Variants in RGSL1 observed in about 807,000 individuals in gnomAD.
RGSL1 encodes the protein regulator of G protein signaling like 1.
In RGSL1, 97 loss-of-function variants were observed where a neutral mutation model predicts 124.7. That is an observed-to-expected ratio of 0.78 (90% confidence interval 0.66 to 0.92). The LOEUF is 0.92. Ranked by LOEUF, RGSL1 falls within the 40% of genes least tolerant of loss-of-function variation. RGSL1 has a pLI of 0.00. For missense variants in RGSL1, 1,233 were observed against 1,288.4 expected (o/e 0.96, Z 0.66); for synonymous variants, 424 against 438.1 (o/e 0.97, Z 0.40).
At chr1:182,501,873 G>C (rs1656411979) in intron 9 of RGSL1, among the ~76,000 whole-genome samples, 1 of 152,126 alleles carries the variant, frequency 6.6e-6, no homozygotes, top group Admixed American at 6.5e-5. Flanking sequence ...GAAGTCATCA[G>C]GTCCTGAGCT....
At chr1:182,526,934 G>C (rs756652269) in intron 10 of RGSL1, among the ~76,000 whole-genome samples, 2 of 152,080 alleles carry the variant, frequency 1.3e-5, no homozygotes, top group Non-Finnish European at 2.9e-5. Flanking sequence ...TCAAGATGTG[G>C]GTATTTGTAA....
intron 15 of RGSL1, among the ~76,000 whole-genome samples, chr1:182,544,302 A>G (rs1431473031): frequency 6.6e-6 from 1 of 151,994 alleles, no homozygotes; most frequent in East Asian, 1.9e-4. Context: ...ATACTGTAGG[A>G]AACAGTTTCC....
At chr1:182,520,888 A>G (rs921813684) in intron 9 of RGSL1, among the ~76,000 whole-genome samples, 1 of 152,180 alleles carries the variant, frequency 6.6e-6, no homozygotes, top group Non-Finnish European at 1.5e-5. Flanking sequence ...AACCATTTTA[A>G]AACAATGACT....
chr1:182,474,101 G>A lies in RGSL1; in HGVS notation c.990G>A (p.Met330Ile). The A allele has an allele frequency of 6.4e-7, 1 of 1,551,850 alleles. No individual in the cohort carries two copies. Among genetic ancestry groups the A allele is most frequent in the Non-Finnish European group, 8.7e-7 (1 of 1,147,016 alleles). ...MENKAKSHLH[M>I]EAPFETKVST... Reference sequence around the variant, plus strand: ...ATAAAGCCAAGAGCCACCTCCACATGGAAGCCCCCTTTGAGACAAAGGTCT... The same window carrying A: ...ATAAAGCCAAGAGCCACCTCCACATAGAAGCCCCCTTTGAGACAAAGGTCT... The change falls in exon 6 of 22, where the codon ATG becomes ATA. Residue 330 changes from methionine to isoleucine, a missense_variant. Coordinates refer to ENST00000294854, the MANE Select transcript of RGSL1 (RefSeq NM_001137669.2).
At chr1:182,511,187 T>A (rs1302997593) in intron 9 of RGSL1, among the ~76,000 whole-genome samples, 1 of 152,152 alleles carries the variant, frequency 6.6e-6, no homozygotes, top group African/African-American at 2.4e-5. Flanking sequence ...TTTTTTGAGA[T>A]AGAGATTTGC....
chr1:182,471,822 C>A (rs1018191286), intron 4 of RGSL1, among the ~76,000 whole-genome samples: 1 of 152,128 alleles, frequency 6.6e-6, no homozygotes, highest in East Asian at 1.9e-4. Flanking sequence ...GGTAGCTGGC[C>A]CTGGCTGACA....
chr1:182,522,877 A>G (rs1264259399), intron 10 of RGSL1, among the ~76,000 whole-genome samples: 1 of 152,102 alleles, frequency 6.6e-6, no homozygotes, highest in Non-Finnish European at 1.5e-5. Flanking sequence ...ATTCATTTTT[A>G]TTCAGTTACT....
intron 10 of RGSL1, among the ~76,000 whole-genome samples, chr1:182,525,116 G>T (rs774295494): frequency 1.3e-5 from 2 of 152,082 alleles, no homozygotes; most frequent in African/African-American, 2.4e-5. Context: ...AACATAAAAA[G>T]CAAACAAAAC....
chr1:182,535,807 T>C (rs531260103), intron 14 of RGSL1, among the ~76,000 whole-genome samples: 1 of 152,286 alleles, frequency 6.6e-6, no homozygotes, highest in East Asian at 1.9e-4. Flanking sequence ...TAAGCTACAA[T>C]TTTATACAGT....
intron 15 of RGSL1, among the ~76,000 whole-genome samples, chr1:182,540,789 C>G (rs1201951059): frequency 6.6e-6 from 1 of 152,116 alleles, no homozygotes; most frequent in Admixed American, 6.6e-5. Context: ...GTGTGTGTGT[C>G]TGTATGACAT....
At chr1:182,452,799 G>A (rs1237894069) in intron 1 of RGSL1, among the ~76,000 whole-genome samples, 1 of 152,058 alleles carries the variant, frequency 6.6e-6, no homozygotes, top group Non-Finnish European at 1.5e-5. Flanking sequence ...ACAACCACCA[G>A]TGTCATCAGG....
In RGSL1 at chr1:182,493,093, G is replaced by A; in HGVS notation, c.1789G>A (p.Asp597Asn). The change falls in exon 9 of 22, where the codon GAC becomes AAC. Residue 597 changes from aspartate to asparagine, a missense_variant. Asp to Asn is a conservative substitution (Grantham distance 23, BLOSUM62 1). Coordinates refer to ENST00000294854, the MANE Select transcript of RGSL1 (RefSeq NM_001137669.2). The stretch of plus-strand genomic sequence containing the variant: ...GATGGCCATACAGAAGATCAGTGAT[G>A]ACTACAAAATATACTGTGAGAAAGC... ...PKMAIQKISD[D>N]YKIYCEKAPK... The A allele has an allele frequency of 6.4e-7, 1 of 1,551,604 alleles. No individual in the cohort carries two copies. The highest frequency in any genetic ancestry group is 8.7e-7 in the Non-Finnish European group (1 of 1,146,878).
intron 15 of RGSL1, among the ~76,000 whole-genome samples, chr1:182,543,192 C>A (rs10911086): frequency 0.52 from 78,731 of 151,938 alleles, 20,655 homozygotes; most frequent in Non-Finnish European, 0.55. Flanking sequence ...TGGGTTTATC[C>A]TATATTTGCA....
chr1:182,478,629 A>G (rs143385749), intron 6 of RGSL1, among the ~76,000 whole-genome samples: 7 of 152,328 alleles, frequency 4.6e-5, no homozygotes, highest in African/African-American at 1.7e-4. Context: ...ATACACATAG[A>G]AGTCTCAGAA....
chr1:182,509,814 G>C (rs1315262900), intron 9 of RGSL1, among the ~76,000 whole-genome samples: 13 of 128,320 alleles, frequency 1.0e-4, no homozygotes, highest in South Asian at 2.6e-4. Context: ...CGGGCGGGGG[G>C]CTGACCCCCC....
chr1:182,510,452 G>A lies in RGSL1; in HGVS notation c.1826-11552G>A, dbSNP rs1385968997. 4.4e-5 allele frequency among the ~76,000 whole-genome samples: 2 copies of A among 45,430 alleles called. 1 individual carries two copies. The highest frequency in any genetic ancestry group is 1.0e-4 in the Non-Finnish European group (2 of 19,750). 29.8% of individuals were successfully genotyped at this position (45,430 alleles called of 152,430 possible). ...GGCACCTCGGGAGGCCAAGGCTGGC[G>A]GATCACTCGCGGTTAGGGGCTGGAG... On this transcript the variant is annotated intron_variant, in intron 9 of 21. Transcript: ENST00000294854.
At chr1:182,519,458 T>C (rs1658162941) in intron 9 of RGSL1, among the ~76,000 whole-genome samples, 1 of 150,466 alleles carries the variant, frequency 6.6e-6, no homozygotes, top group African/African-American at 2.5e-5. Context: ...TCAGTTTTCA[T>C]TGACATTGCT....
chr1:182,463,355 AAGAC>A (rs1022788024), intron 4 of RGSL1, among the ~76,000 whole-genome samples: 1 of 152,132 alleles, frequency 6.6e-6, no homozygotes, highest in Admixed American at 6.5e-5. Flanking sequence ...TTCCAATAAA[AAGAC>A]AGAGATTGGC....
intron 1 of RGSL1, chr1:182,453,299 A>T (rs1206790439): frequency 2.0e-5 from 3 of 152,234 alleles, no homozygotes; most frequent in African/African-American, 7.2e-5. Flanking sequence ...GGTTTCTGAA[A>T]TGTGACCTCA....
Sources: allele counts gnomAD v4.1 joint callset (sites outside exome capture counted in the v4.1 genomes callset), GRCh38; gene constraint gnomAD v4.1.1; transcripts MANE v1.5; gene names NCBI Gene and HGNC (gene_info 2026-07-23, HGNC 2026-07-21).